SNTG2: variants seen among roughly 807,000 people sequenced by gnomAD.
SNTG2 encodes the protein gamma-2-syntrophin.
In SNTG2, 74 loss-of-function variants were observed where a neutral mutation model predicts 70.9. The observed-to-expected ratio is 1.04, with a 90% CI of 0.86 to 1.27. The LOEUF is 1.27. SNTG2 is among the 50% of genes most tolerant of loss of function. The probability of loss-of-function intolerance (pLI) is 0.00; values close to 1 mark genes in which losing one functional copy is unlikely to be tolerated. For missense variants in SNTG2, 717 were observed against 690.7 expected, an observed-to-expected ratio of 1.04 and a Z score of -0.43; for synonymous variants, 278 against 273.8, an observed-to-expected ratio of 1.02 and a Z score of -0.15.
At chr2:1,255,442 G>A (rs969827458) in intron 12 of SNTG2, among the ~76,000 whole-genome samples, 28 of 152,088 alleles carry the variant, frequency 1.8e-4, no homozygotes, top group Admixed American at 5.2e-4. Context: ...GGTCTGGTGC[G>A]GACCTGAGAC....
At chr2:1,050,046 T>G (rs774616357) in intron 1 of SNTG2, among the ~76,000 whole-genome samples, 2 of 152,224 alleles carry the variant, frequency 1.3e-5, no homozygotes, top group Non-Finnish European at 2.9e-5. Context: ...TCTCCTGGGT[T>G]GTTTTTTGTT....
intron 13 of SNTG2, among the ~76,000 whole-genome samples, chr2:1,263,938 G>A (rs771321753): frequency 6.6e-6 from 1 of 152,120 alleles, no homozygotes; most frequent in African/African-American, 2.4e-5. Context: ...ATACACAGCT[G>A]CCCAAATATA....
intron 13 of SNTG2, among the ~76,000 whole-genome samples, chr2:1,265,210 T>G (rs538276880): frequency 6.6e-6 from 1 of 152,346 alleles, no homozygotes; most frequent in East Asian, 1.9e-4. Flanking sequence ...GTTCTTGGTT[T>G]GTGACGTGTA....
intron 11 of SNTG2, among the ~76,000 whole-genome samples, chr2:1,245,270 TAAAAA>T (rs888127862): frequency 1.4e-5 from 2 of 143,344 alleles, no homozygotes; most frequent in South Asian, 2.2e-4. Flanking sequence ...AGTATAATAA[TAAAAA>T]AAAAGGAAAA....
intron 1 of SNTG2, among the ~76,000 whole-genome samples, chr2:958,409 CAT>C (rs1660242125): frequency 6.6e-6 from 1 of 152,220 alleles, no homozygotes; most frequent in Admixed American, 6.5e-5. Context: ...TCCCCACACA[CAT>C]AGCAGTGAAA....
chr2:1,200,240 C>T (rs1299188669), intron 8 of SNTG2, among the ~76,000 whole-genome samples: 1 of 151,764 alleles, frequency 6.6e-6, no homozygotes, highest in African/African-American at 2.4e-5. Flanking sequence ...TAATTTTTGA[C>T]AAAGATACCA....
intron 1 of SNTG2, among the ~76,000 whole-genome samples, chr2:1,013,957 T>A (rs371565266): frequency 4.9e-4 from 2 of 4,058 alleles, no homozygotes; most frequent in Non-Finnish European, 1.0e-3. Flanking sequence ...GGGATTTATA[T>A]GGGCAGAGAG....
At chr2:1,222,051 C>T (rs1553362150) in intron 9 of SNTG2, among the ~76,000 whole-genome samples, 1 of 15,818 alleles carries the variant, frequency 6.3e-5, no homozygotes, top group Non-Finnish European at 1.2e-4. Flanking sequence ...CTCTCTGTCT[C>T]TCTCTGTCTC....
At chr2:1,129,061 C>G (rs1418529943) in intron 4 of SNTG2, among the ~76,000 whole-genome samples, 1 of 152,040 alleles carries the variant, frequency 6.6e-6, no homozygotes, top group Non-Finnish European at 1.5e-5. Context: ...AGGAATCGAC[C>G]TCGAATAAAC....
chr2:1,162,379 G>A (rs556794101), intron 6 of SNTG2, among the ~76,000 whole-genome samples: 1 of 152,316 alleles, frequency 6.6e-6, no homozygotes, highest in South Asian at 2.1e-4. Flanking sequence ...AGCTGTGTGT[G>A]GCCTGGTCCT....
intron 2 of SNTG2, among the ~76,000 whole-genome samples, chr2:1,094,125 C>T (rs1365223020): frequency 3.2e-5 from 4 of 124,566 alleles, no homozygotes; most frequent in Non-Finnish European, 5.0e-5. Flanking sequence ...GGCTTGCAGG[C>T]GAAGGCCTTA....
intron 1 of SNTG2, among the ~76,000 whole-genome samples, chr2:1,049,490 TCTC>T (rs1661932607): frequency 6.6e-6 from 1 of 152,206 alleles, no homozygotes; most frequent in Non-Finnish European, 1.5e-5. Context: ...TGGCTTGCCT[TCTC>T]CTTTTGTTTT....
intron 16 of SNTG2, among the ~76,000 whole-genome samples, chr2:1,352,765 G>A (rs1011629107): frequency 6.6e-6 from 1 of 152,166 alleles, no homozygotes; most frequent in African/African-American, 2.4e-5. Flanking sequence ...ACCTTGCACA[G>A]GTTATTTAAA....
rs1352839916 is a variant in SNTG2, at chr2:1,017,196, G to C, written c.72+66128G>C. On this transcript the variant is annotated intron_variant, in intron 1 of 16. Coordinates refer to ENST00000308624, the MANE Select transcript of SNTG2 (RefSeq NM_018968.4). ...CTTATTGCCACAGAGAATCTACTCT[G>C]TCAGTCTTATGATCTCTGTTTTACT... Among the ~76,000 whole-genome samples the C allele has an allele frequency of 2.0e-5, 3 of 152,052 alleles. No individual in the cohort carries two copies. In the East Asian group the frequency reaches 5.8e-4, roughly 29 times the overall value.
intron 1 of SNTG2, among the ~76,000 whole-genome samples, chr2:967,783 C>T (rs1023522257): frequency 1.3e-5 from 2 of 152,174 alleles, no homozygotes; most frequent in East Asian, 1.9e-4. Context: ...AATCCCAGCA[C>T]GTTGGGAGGC....
chr2:1,365,532 CTG>C (rs1661430507), intron 16 of SNTG2, among the ~76,000 whole-genome samples: 3 of 152,296 alleles, frequency 2.0e-5, no homozygotes, highest in East Asian at 3.9e-4. Context: ...TTGTGTATCC[CTG>C]CATGGGGTGT....
intron 4 of SNTG2, among the ~76,000 whole-genome samples, chr2:1,106,323 A>G (rs28412507): frequency 5.5e-4 from 49 of 88,948 alleles, no homozygotes; most frequent in Non-Finnish European, 4.6e-4. Flanking sequence ...GAGCTCCTTG[A>G]TAATAATGGA....
chr2:1,113,529 A>C (rs1289336049), intron 4 of SNTG2, among the ~76,000 whole-genome samples: 2 of 152,004 alleles, frequency 1.3e-5, no homozygotes, highest in African/African-American at 4.8e-5. Flanking sequence ...GATTGTGTGT[A>C]CTGAGGTTTA....
chr2:1,281,589 T>G (rs547056103), intron 14 of SNTG2, among the ~76,000 whole-genome samples: 2 of 151,858 alleles, frequency 1.3e-5, no homozygotes, highest in East Asian at 3.9e-4. Context: ...ATTATCACAG[T>G]GTACATTGCA....
Sources: gnomAD v4.1 joint callset for allele counts (sites outside exome capture counted in the v4.1 genomes callset) on GRCh38, gnomAD v4.1.1 for gene constraint, MANE v1.5 for transcripts, NCBI Gene and HGNC (gene_info 2026-07-23, HGNC 2026-07-21) for gene names.